GOLM2: variants seen among roughly 807,000 people sequenced by gnomAD.
GOLM2 encodes the protein protein GOLM2.
A neutral mutation model predicts 55.9 loss-of-function variants in GOLM2; 26 were observed. That is an observed-to-expected ratio of 0.47 (90% CI 0.34 to 0.65). The LOEUF (loss-of-function observed/expected upper bound fraction) is 0.65, where lower values mean the gene tolerates loss of function less well. Ranked by LOEUF, GOLM2 falls within the 30% of genes least tolerant of loss-of-function variation. GOLM2 has a pLI of 0.01. For synonymous variants in GOLM2, 165 were observed against 194.6 expected (o/e 0.85, Z 1.27); for missense variants, 486 against 531.8 (o/e 0.91, Z 0.85).
rs558560566 is a variant in GOLM2 at position 44,382,738 on chromosome 15, C to T, written c.1072+1762C>T. ...TAAAGAAGGTGGTTGGAAATAATTG[C>T]TCGGAAATTATTACTCTCTACAATA... On this transcript the variant is annotated intron_variant, in intron 8 of 9. Coordinates refer to ENST00000299957, the MANE Select transcript of GOLM2 (RefSeq NM_138423.4). Among the ~76,000 whole-genome samples the T allele has an allele frequency of 6.6e-5, 10 of 151,456 alleles. No homozygotes were observed. In the South Asian group the frequency reaches 1.5e-3, roughly 22 times the overall value.
chr15:44,343,551 C>A (rs2079102515), intron 6 of GOLM2, among the ~76,000 whole-genome samples: 1 of 151,762 alleles, frequency 6.6e-6, no homozygotes, highest in Non-Finnish European at 1.5e-5. Flanking sequence ...CCTGGCTGGG[C>A]ATAGTGGCTC....
intron 1 of GOLM2, chr15:44,307,362 AC>A (rs1292283714): frequency 6.6e-6 from 1 of 152,162 alleles, no homozygotes; most frequent in Non-Finnish European, 1.5e-5. Flanking sequence ...ACAGGAGCCT[AC>A]CACCACGCCT....
chr15:44,357,798 T>C (rs1017768281), intron 6 of GOLM2, among the ~76,000 whole-genome samples: 1 of 152,186 alleles, frequency 6.6e-6, no homozygotes, highest in Non-Finnish European at 1.5e-5. Context: ...ATACCATTTA[T>C]AGTAGTACTC....
chr15:44,354,667 C>T, intron 6 of GOLM2: 1 of 154,562 alleles, frequency 6.5e-6, no homozygotes, highest in Non-Finnish European at 1.4e-5. Flanking sequence ...AGCAGCCATG[C>T]AGCAGCAGCC....
intron 6 of GOLM2, among the ~76,000 whole-genome samples, chr15:44,378,718 G>A (rs2079381590): frequency 6.6e-6 from 1 of 152,094 alleles, no homozygotes; most frequent in Non-Finnish European, 1.5e-5. Context: ...AGGTCTCACT[G>A]TTGAAGATCA....
At chr15:44,349,639 G>A (rs775903091) in intron 6 of GOLM2, among the ~76,000 whole-genome samples, 5 of 152,044 alleles carry the variant, frequency 3.3e-5, no homozygotes, top group Admixed American at 1.3e-4. Flanking sequence ...AGACCAAATG[G>A]ACCTAATAGA....
intron 9 of GOLM2, chr15:44,407,029 A>T (rs1451192487): frequency 6.7e-6 from 1 of 148,494 alleles, no homozygotes; most frequent in African/African-American, 2.4e-5. Flanking sequence ...GTTTACAATT[A>T]TTTATATATG....
chr15:44,288,887 C>T lies in GOLM2; in HGVS notation c.-143C>T, dbSNP rs2078698793. The T allele has an allele frequency of 9.7e-6, 7 of 721,516 alleles. No individual in the cohort carries two copies. Among genetic ancestry groups the T allele is most frequent in the Middle Eastern group, 4.0e-4 (1 of 2,482 alleles). The allele number at this position is 721,516 out of a possible 1,614,324, so 44.7% of individuals were successfully genotyped here. A position where few individuals can be genotyped will look rare whatever the true frequency, so the allele number is the denominator to read the frequency against. ...GCGGCTTGCGGCCCCGCCCCCTTCTCCGGCTCGCAGCCGACCGGTAAGCCC... is the reference window on the plus strand; with the variant it reads ...GCGGCTTGCGGCCCCGCCCCCTTCTTCGGCTCGCAGCCGACCGGTAAGCCC... On this transcript the variant is annotated 5_prime_UTR_variant, in exon 1 of 10. Coordinates refer to ENST00000299957, the MANE Select transcript of GOLM2 (RefSeq NM_138423.4).
intron 6 of GOLM2, among the ~76,000 whole-genome samples, chr15:44,366,064 G>A (rs928930023): frequency 6.6e-6 from 1 of 152,092 alleles, no homozygotes; most frequent in Non-Finnish European, 1.5e-5. Context: ...TTGGGAGGCC[G>A]AGGTGGGTGG....
intron 9 of GOLM2, among the ~76,000 whole-genome samples, chr15:44,404,979 G>C (rs567670555): frequency 7.9e-5 from 12 of 152,148 alleles, no homozygotes; most frequent in Admixed American, 3.9e-4. Flanking sequence ...TATTATAGTG[G>C]TTTATCTCAA....
At chr15:44,304,019 G>A (rs1462125627) in intron 1 of GOLM2, among the ~76,000 whole-genome samples, 1 of 150,890 alleles carries the variant, frequency 6.6e-6, no homozygotes, top group South Asian at 2.1e-4. Flanking sequence ...TGTGAACCAC[G>A]GTGCCTGGCC....
intron 8 of GOLM2, among the ~76,000 whole-genome samples, chr15:44,389,802 C>T (rs1305261461): frequency 6.6e-6 from 1 of 152,088 alleles, no homozygotes; most frequent in Non-Finnish European, 1.5e-5. Context: ...CCTACCTCAG[C>T]CTCCTGAATA....
chr15:44,288,954 A>G lies in GOLM2; in HGVS notation c.-76A>G. On this transcript the variant is annotated 5_prime_UTR_variant, in exon 1 of 10. Coordinates refer to ENST00000299957, the MANE Select transcript of GOLM2 (RefSeq NM_138423.4). ...GGCCCTGGGGCCGTGTCCGCCGGGCAACTCCAGCCGAGGCCTGGGCTTCTG... is the reference window on the plus strand; with the variant it reads ...GGCCCTGGGGCCGTGTCCGCCGGGCGACTCCAGCCGAGGCCTGGGCTTCTG... 1 of 1,387,468 alleles carries G rather than the reference A, an allele frequency of 7.2e-7. No homozygotes were observed. Among genetic ancestry groups the G allele is most frequent in the Non-Finnish European group, 9.8e-7 (1 of 1,019,034 alleles). The allele number at this position is 1,387,468 out of a possible 1,614,324, so 85.9% of individuals were successfully genotyped here. A position where few individuals can be genotyped will look rare whatever the true frequency, so the allele number is the denominator to read the frequency against.
intron 6 of GOLM2, among the ~76,000 whole-genome samples, chr15:44,367,028 A>T (rs977690264): frequency 6.6e-5 from 10 of 152,042 alleles, no homozygotes; most frequent in Non-Finnish European, 1.2e-4. Context: ...ATAATTAAAA[A>T]TTTTTCTTAG....
chr15:44,357,162 C>T (rs991274881), intron 6 of GOLM2, among the ~76,000 whole-genome samples: 1 of 151,904 alleles, frequency 6.6e-6, no homozygotes, highest in South Asian at 2.1e-4. Flanking sequence ...ACCCTGTCCC[C>T]ACCACCACCC....
chr15:44,385,255 C>A (rs1054834000), intron 8 of GOLM2, among the ~76,000 whole-genome samples: 1 of 152,020 alleles, frequency 6.6e-6, no homozygotes, highest in African/African-American at 2.4e-5. Flanking sequence ...ACTGCCAAAC[C>A]ATTTTCCACA....
intron 2 of GOLM2, among the ~76,000 whole-genome samples, chr15:44,324,313 A>G (rs561997014): frequency 3.9e-5 from 6 of 152,316 alleles, no homozygotes; most frequent in Admixed American, 3.3e-4. Context: ...ATTGTACCAT[A>G]TGTGTTGGAG....
At chr15:44,347,450 C>T (rs369219274) in intron 6 of GOLM2, among the ~76,000 whole-genome samples, 14 of 152,130 alleles carry the variant, frequency 9.2e-5, no homozygotes, top group African/African-American at 3.1e-4. Context: ...TGCACTGGAA[C>T]TTAGTGCTGC....
chr15:44,411,775 G>A (rs969258915), intron 9 of GOLM2, among the ~76,000 whole-genome samples: 2 of 148,418 alleles, frequency 1.3e-5, no homozygotes, highest in Admixed American at 1.4e-4. Flanking sequence ...GTTGCATTGA[G>A]CTGAGATCAT....
Sources: gnomAD v4.1 joint callset for allele counts (sites outside exome capture counted in the v4.1 genomes callset) on GRCh38, gnomAD v4.1.1 for gene constraint, MANE v1.5 for transcripts, NCBI Gene and HGNC (gene_info 2026-07-23, HGNC 2026-07-21) for gene names.